The following DDB1 variants were observed in gnomAD, a reference collection of about 807,000 sequenced individuals.
DDB1 encodes DNA damage-binding protein 1.
DDB1 carries 18 observed loss-of-function variants against 133.1 expected under a neutral mutation model. The observed-to-expected ratio is 0.14, with a 90% CI of 0.09 to 0.20. The LOEUF (loss-of-function observed/expected upper bound fraction) is 0.20, where lower values mean the gene tolerates loss of function less well. Among genes scored for constraint, DDB1 ranks in the 10% least tolerant of loss-of-function variants. DDB1 has a pLI of 1.00. For missense variants in DDB1, 828 were observed against 1,459.2 expected, an observed-to-expected ratio of 0.57 and a Z score of 7.05; for synonymous variants, 580 against 550.5, an observed-to-expected ratio of 1.05 and a Z score of -0.75.
intron 5 of DDB1, among the ~76,000 whole-genome samples, chr11:61,326,548 A>G (rs911611549): frequency 6.6e-6 from 1 of 152,188 alleles, no homozygotes; most frequent in African/African-American, 2.4e-5. Context: ...CCCTCCACCC[A>G]AGTAAAAGAC....
At position 61,314,120 on chromosome 11, in the gene DDB1, G is replaced by C. The variant is rs1856024674; in HGVS notation, c.1680C>G (p.Leu560=). The change falls in exon 14 of 27, where the codon CTC becomes CTG. Residue 560 remains leucine (L), a synonymous_variant. Transcript: ENST00000301764. The stretch of plus-strand genomic sequence containing the variant: ...AGATACGAGCCGAGATGTCCGTCCA[G>C]AGGCCAATGGCACAAAGAGGGGACA... ...NGLSPLCAIG[L]WTDISARILK... The C allele has an allele frequency of 1.2e-6, 2 of 1,614,170 alleles. No homozygotes were observed. The highest frequency in any genetic ancestry group is 1.3e-5 in the African/African-American group (1 of 75,038).
intron 22 of DDB1, among the ~76,000 whole-genome samples, chr11:61,303,516 G>A (rs1014716439): frequency 3.3e-5 from 5 of 151,882 alleles, no homozygotes; most frequent in Non-Finnish European, 5.9e-5. Flanking sequence ...GTGAAACCCC[G>A]TCTCTACTAA....
chr11:61,331,945 T>C (rs1469583797), intron 1 of DDB1: 1 of 440,012 alleles, frequency 2.3e-6, no homozygotes, highest in East Asian at 3.8e-5. Flanking sequence ...GTCCTCCAAA[T>C]GACAATGACT....
chr11:61,311,749 C>G, intron 18 of DDB1, 35 bp downstream of exon 18: 1 of 1,585,744 alleles, frequency 6.3e-7, no homozygotes, highest in Non-Finnish European at 8.6e-7. Flanking sequence ...CTGGCCCCTG[C>G]TCTAAGGTCA....
intron 20 of DDB1, among the ~76,000 whole-genome samples, chr11:61,309,379 A>C (rs921562880): frequency 6.6e-6 from 1 of 152,184 alleles, no homozygotes; most frequent in Non-Finnish European, 1.5e-5. Context: ...CCGGGCTGAT[A>C]GTCTTTAGAG....
chr11:61,330,092 G>A lies in DDB1; in HGVS notation c.211-18C>T, dbSNP rs1856341423. The A allele has an allele frequency of 1.9e-6, 3 of 1,591,362 alleles. No individual in the cohort carries two copies. Among genetic ancestry groups the A allele is most frequent in the Non-Finnish European group, 2.6e-6 (3 of 1,161,594 alleles). On this transcript the variant is annotated intron_variant, in intron 2 of 26. Coordinates refer to ENST00000301764, the MANE Select transcript of DDB1 (RefSeq NM_001923.5). ...CTCTCCCCCTGGAAACCAATATTAT[G>A]CTATCAAAAGAGGTTCTTTTTAAAA...
intron 19 of DDB1, 114 bp from the exon 20 acceptor site, chr11:61,310,074 C>T: frequency 1.4e-6 from 2 of 1,438,538 alleles, no homozygotes; most frequent in Non-Finnish European, 1.9e-6. Context: ...GTACCACCTG[C>T]TGTCCCTGTC....
chr11:61,320,513 C>A (rs548777966), intron 10 of DDB1, among the ~76,000 whole-genome samples: 37 of 152,094 alleles, frequency 2.4e-4, no homozygotes, highest in African/African-American at 8.9e-4. Context: ...ACTTCTATTT[C>A]TTTATTGACC....
At chr11:61,327,276 C>T (rs1856285337) in intron 4 of DDB1, among the ~76,000 whole-genome samples, 1 of 152,102 alleles carries the variant, frequency 6.6e-6, no homozygotes. Context: ...TCAAGACCAG[C>T]CTAGCCAACA....
chr11:61,302,203 G>T, intron 25 of DDB1, 54 bp downstream of exon 25: 1 of 1,466,968 alleles, frequency 6.8e-7, no homozygotes, highest in Non-Finnish European at 9.6e-7. Context: ...GACTCCGTGT[G>T]CCACATATGC....
Position 61,310,355 on chromosome 11 carries a change from A to G in DDB1, c.2341T>C (p.Ser781Pro). Reference sequence around the variant, plus strand: ...TGCACCTCCACCTCTTCTCCAAAGGAGGTCTCATGAGGAGCAGTGCTGCTG... The same window carrying G: ...TGCACCTCCACCTCTTCTCCAAAGGGGGTCTCATGAGGAGCAGTGCTGCTG... ...FSSSTAPHET[S>P]FGEEVEVHNL... The change falls in exon 19 of 27, where the codon TCC becomes CCC. Residue 781 changes from serine to proline, a missense_variant. Around this residue, in one of 7 missense-constraint regions of DDB1, gnomAD observed 396 missense variants for 554.1 expected, o/e 0.71. Coordinates refer to ENST00000301764, the MANE Select transcript of DDB1 (RefSeq NM_001923.5). 6.2e-7 allele frequency: 1 copy of G among 1,613,194 alleles called. No homozygotes were observed. The highest frequency in any genetic ancestry group is 8.5e-7 in the Non-Finnish European group (1 of 1,179,810).
At chr11:61,327,836 C>T (rs1856293713) in intron 4 of DDB1, among the ~76,000 whole-genome samples, 2 of 152,220 alleles carry the variant, frequency 1.3e-5, no homozygotes, top group Non-Finnish European at 2.9e-5. Flanking sequence ...TGTTTCAGGG[C>T]AGGGATCACA....
chr11:61,300,070 G>A lies in DDB1; in HGVS notation c.*66C>T, dbSNP rs1855766380. ...CCATGGCCAAGAAGACGATGGTGGA[G>A]AGGAGGGGGAGGGCAGCAGGGCAAA... On this transcript the variant is annotated 3_prime_UTR_variant, in exon 27 of 27. Transcript: ENST00000301764. 6.6e-7 allele frequency: 1 copy of A among 1,523,688 alleles called. No individual in the cohort carries two copies. The highest frequency in any genetic ancestry group is 1.7e-5 in the Admixed American group (1 of 59,648). The allele number at this position is 1,523,688 out of a possible 1,614,324, so 94.4% of individuals were successfully genotyped here. A position where few individuals can be genotyped will look rare whatever the true frequency, so the allele number is the denominator to read the frequency against.
rs867898499 is a variant in DDB1, at chr11:61,310,415, G to C, written c.2281C>G (p.Leu761Val). 1 of 1,598,932 alleles carries C rather than the reference G, an allele frequency of 6.3e-7. No individual in the cohort carries two copies. Among genetic ancestry groups the C allele is most frequent in the Admixed American group, 1.8e-5 (1 of 55,916 alleles). Residue 761 changes from leucine (L) to valine (V), a missense_variant, in exon 19 of 27, where the codon CTG becomes GTG. This residue lies in a region of DDB1 where 396 missense variants were observed against 554.1 expected (regional missense o/e 0.71). Transcript: ENST00000301764. ...TTGCTGGAGCTTACACTGCTGGACA[G>C]AGCCTGCAAACAGAGAGAATGCACA... ...ALRPSASTQA[L>V]SSSVSSSKLF...
At chr11:61,316,958 TA>T (rs1856088107) in intron 10 of DDB1, among the ~76,000 whole-genome samples, 1 of 17,118 alleles carries the variant, frequency 5.8e-5, no homozygotes, top group East Asian at 1.3e-3. Context: ...TATATATATA[TA>T]TATATATATA....
chr11:61,316,714 G>A lies in DDB1; in HGVS notation c.1226-147C>T. On this transcript the variant is annotated intron_variant, in intron 10 of 26. Coordinates refer to ENST00000301764, the MANE Select transcript of DDB1 (RefSeq NM_001923.5). The stretch of plus-strand genomic sequence containing the variant: ...AGGCAGGAGGACTGCTTGGAACCAG[G>A]AGTTCTAGACCAGCCTGGGCAAAAT... 5 of 838,380 alleles carry A rather than the reference G, an allele frequency of 6.0e-6. No individual in the cohort carries two copies. In the South Asian group the frequency reaches 7.6e-5, roughly 13 times the overall value. 51.9% of individuals were successfully genotyped at this position (838,380 alleles called of 1,614,324 possible).
At chr11:61,301,923 C>T (rs947302331) in intron 25 of DDB1, 4 of 192,250 alleles carry the variant, frequency 2.1e-5, no homozygotes, top group Admixed American at 5.4e-5. Context: ...CAACCAAATC[C>T]CTGAAAGGAT....
chr11:61,332,040 A>G, intron 1 of DDB1: 1 of 190,588 alleles, frequency 5.2e-6, no homozygotes, highest in Non-Finnish European at 1.1e-5. Context: ...AATGCCGGAG[A>G]AAGTGTTCAC....
intron 21 of DDB1, among the ~76,000 whole-genome samples, chr11:61,308,259 C>T (rs1022423378): frequency 1.3e-5 from 2 of 152,156 alleles, no homozygotes; most frequent in Non-Finnish European, 2.9e-5. Flanking sequence ...GACCTACCAC[C>T]CCTTGCACTT....
Sources: allele counts gnomAD v4.1 joint callset (sites outside exome capture counted in the v4.1 genomes callset), GRCh38; gene constraint gnomAD v4.1.1; regional missense constraint gnomAD v4.1.1; transcripts MANE v1.5; gene names NCBI Gene and HGNC (gene_info 2026-07-23, HGNC 2026-07-21).